Variants in FAM131B observed in about 807,000 individuals in gnomAD.
FAM131B encodes protein FAM131B.
A neutral mutation model predicts 42.0 loss-of-function variants in FAM131B; 19 were observed. The observed-to-expected ratio is 0.45, with a 90% CI of 0.32 to 0.66. The LOEUF (loss-of-function observed/expected upper bound fraction) is 0.66, where lower values mean the gene tolerates loss of function less well. Ranked by LOEUF, FAM131B falls within the 30% of genes least tolerant of loss-of-function variation. FAM131B has a pLI of 0.05. For missense variants in FAM131B, 370 were observed against 468.4 expected, an observed-to-expected ratio of 0.79 and a Z score of 1.94; for synonymous variants, 183 against 177.6, an observed-to-expected ratio of 1.03 and a Z score of -0.24.
rs983252005 is a variant in FAM131B, at chr7:143,359,083, C to T, written c.269-59G>A. On this transcript the variant is annotated intron_variant, in intron 4 of 6. Transcript: ENST00000443739. This position sits in a 1 kb window ranked among gnomAD's most constrained non-coding sequence, Gnocchi z 5.4. The stretch of plus-strand genomic sequence containing the variant: ...ATATCACACAATACCCATAACCAGA[C>T]CCTCCCAGTTCCTCCCACCCCAGCC... The T allele has an allele frequency of 1.3e-6, 2 of 1,536,136 alleles. No individual in the cohort carries two copies. Among genetic ancestry groups the T allele is most frequent in the East Asian group, 4.7e-5 (2 of 42,764 alleles).
rs1803823032 is a variant in FAM131B at position 143,359,074 on chromosome 7, A to T, written c.269-50T>A. 6.4e-7 allele frequency: 1 copy of T among 1,566,706 alleles called. No homozygotes were observed. The highest frequency in any genetic ancestry group is 1.7e-5 in the Admixed American group (1 of 57,514). On this transcript the variant is annotated intron_variant, in intron 4 of 6. Transcript: ENST00000443739. This position sits in a 1 kb window ranked among gnomAD's most constrained non-coding sequence, Gnocchi z 5.4. Reference sequence around the variant, plus strand: ...TCCTCCAGAATATCACACAATACCCATAACCAGACCCTCCCAGTTCCTCCC... The same window carrying T: ...TCCTCCAGAATATCACACAATACCCTTAACCAGACCCTCCCAGTTCCTCCC...
At chr7:143,362,717 C>G, upstream of FAM131B, 2 of 408,920 alleles carry the variant, frequency 4.9e-6, no homozygotes, top group Non-Finnish European at 7.5e-6. This position sits in a 1 kb window ranked among gnomAD's most constrained non-coding sequence, Gnocchi z 7.7. Flanking sequence ...TGTCTCCGCT[C>G]GGCTCCGCTC....
intron 1 of FAM131B, chr7:143,361,960 C>A: frequency 1.3e-6 from 1 of 763,474 alleles, no homozygotes; most frequent in Non-Finnish European, 1.6e-6. Context: ...CTGGCCCTGT[C>A]CCTCCGGGCG....
At chr7:143,380,852 G>C in the FAM131B span, 2 of 906,930 alleles carry the variant, frequency 2.2e-6, no homozygotes, top group Non-Finnish European at 2.6e-6. The surrounding 1 kb of genome is among the most constrained non-coding windows in gnomAD (Gnocchi z 5.0). Context: ...GCCGGGTAGC[G>C]GGTGGTGGCA....
rs1803630820 is a variant in FAM131B at position 143,355,994 on chromosome 7, C to G, written c.*556G>C. ...GACCTGCTGAGGCAGCCTCTCCACCCTCCCCATGGACGTGCCCTTCAGGCA... is the reference window on the plus strand; with the variant it reads ...GACCTGCTGAGGCAGCCTCTCCACCGTCCCCATGGACGTGCCCTTCAGGCA... On this transcript the variant is annotated 3_prime_UTR_variant, in exon 7 of 7. Coordinates refer to ENST00000443739, the MANE Select transcript of FAM131B (RefSeq NM_001031690.3). The surrounding 1 kb of genome is among the most constrained non-coding windows in gnomAD (Gnocchi z 4.1). The G allele has an allele frequency of 6.4e-6, 1 of 157,016 alleles. No homozygotes were observed. Among genetic ancestry groups the G allele is most frequent in the Non-Finnish European group, 1.4e-5 (1 of 71,138 alleles). 9.7% of individuals were successfully genotyped at this position (157,016 alleles called of 1,614,324 possible).
chr7:143,381,969 G>C, the FAM131B span: 3 of 653,930 alleles, frequency 4.6e-6, no homozygotes, highest in African/African-American at 1.8e-5. Context: ...ACCGTTCCAA[G>C]TCCCCCGCCT....
chr7:143,369,239 T>C, the FAM131B span, among the ~76,000 whole-genome samples: 5 of 152,208 alleles, frequency 3.3e-5, no homozygotes, highest in Admixed American at 6.5e-5. Context: ...CTTTTCCCTA[T>C]CCTAAGATGC....
chr7:143,372,461 G>A, the FAM131B span, among the ~76,000 whole-genome samples: 1 of 152,232 alleles, frequency 6.6e-6, no homozygotes, highest in Non-Finnish European at 1.5e-5. Context: ...GAAGGAGCTG[G>A]TTGGAGAAAG....
the FAM131B span, chr7:143,380,303 C>T: frequency 1.0e-6 from 1 of 985,044 alleles, no homozygotes; most frequent in Non-Finnish European, 1.2e-6. The surrounding 1 kb of genome is among the most constrained non-coding windows in gnomAD (Gnocchi z 5.0). Flanking sequence ...GGGGCTGAGT[C>T]GCAGGCTGAG....
the FAM131B span, among the ~76,000 whole-genome samples, chr7:143,378,606 C>T: frequency 1.4e-5 from 2 of 144,256 alleles, no homozygotes; most frequent in Non-Finnish European, 3.0e-5. Flanking sequence ...TGGAGTCTCA[C>T]TCTGTTGCCC....
the FAM131B span, among the ~76,000 whole-genome samples, chr7:143,368,336 A>G: frequency 3.9e-5 from 6 of 152,252 alleles, no homozygotes; most frequent in Admixed American, 1.3e-4. Context: ...AGAGGGAAAG[A>G]TCAAATAAAG....
Position 143,356,266 on chromosome 7 carries a change from T to C in FAM131B, c.*284A>G, listed in dbSNP as rs935080563. On this transcript the variant is annotated 3_prime_UTR_variant, in exon 7 of 7. Coordinates refer to ENST00000443739, the MANE Select transcript of FAM131B (RefSeq NM_001031690.3). The surrounding 1 kb of genome is among the most constrained non-coding windows in gnomAD (Gnocchi z 4.4). ...CAGGGTGCACACACTGGAGGCTTTG[T>C]CGGCACAGACCCAGAAGCCCACAGC... 7 of 450,306 alleles carry C rather than the reference T, an allele frequency of 1.6e-5. No individual in the cohort carries two copies. Among genetic ancestry groups the C allele is most frequent in the Admixed American group, 1.1e-4 (3 of 27,194 alleles). The allele number at this position is 450,306 out of a possible 1,614,324, so 27.9% of individuals were successfully genotyped here.
chr7:143,380,587 C>T, the FAM131B span: 1 of 985,496 alleles, frequency 1.0e-6, no homozygotes, highest in Non-Finnish European at 1.2e-6. The surrounding 1 kb of genome is among the most constrained non-coding windows in gnomAD (Gnocchi z 5.0). Context: ...CCCCGCGGAC[C>T]CGAACGGTCC....
chr7:143,360,332 C>T, intron 1 of FAM131B, 183 bp from the exon 2 acceptor site: 7 of 1,436,920 alleles, frequency 4.9e-6, no homozygotes, highest in Middle Eastern at 2.6e-4. Context: ...AGTTTTAGCT[C>T]AACCCAGAAT....
chr7:143,364,406 T>G (rs896836235), upstream of FAM131B, among the ~76,000 whole-genome samples: 1 of 152,014 alleles, frequency 6.6e-6, no homozygotes. Context: ...ACAGACCACG[T>G]GGCCATTATG....
chr7:143,360,047 G>A lies in FAM131B; in HGVS notation c.131C>T (p.Ser44Leu). Residue 44 changes from serine (S) to leucine (L), a missense_variant, in exon 2 of 7, where the codon TCG (serine) becomes TTG (leucine). By Grantham distance (145) the Ser-to-Leu change is moderately radical. Coordinates refer to ENST00000443739, the MANE Select transcript of FAM131B (RefSeq NM_001031690.3). Reference protein sequence around the residue: ...SLHGSSLHRPSTEQTRTDFSW... With the variant: ...SLHGSSLHRPLTEQTRTDFSW... ...GGCTGAGTGAGGTCTCACCTCAGTCGATGGCCGATGGAGGCTGCTCCCGTG... is the reference window on the plus strand; with the variant it reads ...GGCTGAGTGAGGTCTCACCTCAGTCAATGGCCGATGGAGGCTGCTCCCGTG... 3 of 1,612,498 alleles carry A rather than the reference G, an allele frequency of 1.9e-6. No homozygotes were observed. Among genetic ancestry groups the A allele is most frequent in the East Asian group, 2.2e-5 (1 of 44,850 alleles).
In FAM131B at chr7:143,359,867, G is replaced by A; in HGVS notation, c.139-100C>T. 8.1e-7 allele frequency: 1 copy of A among 1,227,938 alleles called. No homozygotes were observed. Among genetic ancestry groups the A allele is most frequent in the Non-Finnish European group, 1.2e-6 (1 of 855,340 alleles). 76.1% of individuals were successfully genotyped at this position (1,227,938 alleles called of 1,614,324 possible). The stretch of plus-strand genomic sequence containing the variant: ...GCCTTCCAGGAGTGCGGGATGTGGG[G>A]AGGGCTTTCCTGAGGTTGATGCCGC... On this transcript the variant is annotated intron_variant, in intron 2 of 6. Transcript: ENST00000443739. The surrounding 1 kb of genome is among the most constrained non-coding windows in gnomAD (Gnocchi z 5.4).
chr7:143,376,066 G>A, the FAM131B span, among the ~76,000 whole-genome samples: 1 of 152,146 alleles, frequency 6.6e-6, no homozygotes, highest in Admixed American at 6.6e-5. Context: ...GGGATGAGGG[G>A]ACTCCTGCCT....
Position 143,356,565 on chromosome 7 carries a change from G to A in FAM131B, c.1068C>T (p.Gly356=), listed in dbSNP as rs749415097. 3.1e-5 allele frequency: 50 copies of A among 1,612,014 alleles called. No homozygotes were observed. The highest frequency in any genetic ancestry group is 1.7e-4 in the Middle Eastern group (1 of 6,056). ...SGVQSFDEEE[G]EANN ...GGGGAGGAAACTAGTTGTTGGCCTC[G>A]CCTTCCTCCTCATCAAAGGACTGCA... Residue 356 remains glycine, a synonymous_variant, in exon 7 of 7, where the codon GGC becomes GGT. Coordinates refer to ENST00000443739, the MANE Select transcript of FAM131B (RefSeq NM_001031690.3). This position sits in a 1 kb window ranked among gnomAD's most constrained non-coding sequence, Gnocchi z 4.4.
Sources: allele counts gnomAD v4.1 joint callset (sites outside exome capture counted in the v4.1 genomes callset), GRCh38; gene constraint gnomAD v4.1.1; non-coding constraint Gnocchi (gnomAD v3.1); transcripts MANE v1.5; gene names NCBI Gene and HGNC (gene_info 2026-07-23, HGNC 2026-07-21).